PGR: variants seen among roughly 807,000 people sequenced by gnomAD.
PGR encodes the protein progesterone receptor, also known as nuclear receptor subfamily 3 group C member 3.
In PGR, 25 loss-of-function variants were observed where a neutral mutation model predicts 76.1. That is an observed-to-expected ratio of 0.33 (90% confidence interval 0.24 to 0.46). The LOEUF (loss-of-function observed/expected upper bound fraction) is 0.46. Ranked by LOEUF, PGR falls within the 20% of genes least tolerant of loss-of-function variation. The pLI is 1.00. For missense variants in PGR, 1,172 were observed against 1,225.3 expected (o/e 0.96, Z 0.65); for synonymous variants, 579 against 535.0 (o/e 1.08, Z -1.14).
intron 2 of PGR, among the ~76,000 whole-genome samples, chr11:101,094,141 A>G (rs1242286471): frequency 6.6e-6 from 1 of 152,160 alleles, no homozygotes; most frequent in African/African-American, 2.4e-5. Flanking sequence ...CCAGCACCAA[A>G]AAAAGGAACC....
intron 3 of PGR, among the ~76,000 whole-genome samples, chr11:101,081,372 T>G (rs1591397127): frequency 6.6e-6 from 1 of 151,346 alleles, no homozygotes; most frequent in African/African-American, 2.4e-5. Context: ...GAGGTTGCAG[T>G]GAGCCAAGAT....
At chr11:101,113,347 C>T (rs1252644249) in intron 2 of PGR, among the ~76,000 whole-genome samples, 2 of 151,892 alleles carry the variant, frequency 1.3e-5, no homozygotes, top group Non-Finnish European at 2.9e-5. Flanking sequence ...CTGTAAGCTC[C>T]ACCTCCTAGG....
In PGR at chr11:101,128,063, G is replaced by A. The variant is rs756338066; in HGVS notation, c.1008C>T (p.Ala336=). ...DESYDGGAGA[A]SAFAPPRSSP... ...AACTCCGCGGCGGGGCAAAGGCGCT[G>A]GCAGCCCCGGCCCCGCCGTCGTAAC... The change falls in exon 1 of 8, where the codon GCC becomes GCT. Residue 336 remains alanine, a synonymous_variant. Coordinates refer to ENST00000325455, the MANE Select transcript of PGR (RefSeq NM_000926.4). 2 of 1,601,732 alleles carry A rather than the reference G, an allele frequency of 1.2e-6. No homozygotes were observed. Among genetic ancestry groups the A allele is most frequent in the Non-Finnish European group, 1.7e-6 (2 of 1,179,426 alleles).
rs1241811061 is a variant in PGR at position 101,062,340 on chromosome 11, T to A, written c.2212+107A>T. The stretch of plus-strand genomic sequence containing the variant: ...CAAACACATACTATCACATACTGTT[T>A]TATATTGTAGTTAATTTACTGCATA... On this transcript the variant is annotated intron_variant, in intron 4 of 7. Coordinates refer to ENST00000325455, the MANE Select transcript of PGR (RefSeq NM_000926.4). 9 of 849,474 alleles carry A rather than the reference T, an allele frequency of 1.1e-5. No homozygotes were observed. In the East Asian group the frequency reaches 2.1e-4, roughly 20 times the overall value. 52.6% of individuals were successfully genotyped at this position (849,474 alleles called of 1,614,324 possible). A position where few individuals can be genotyped will look rare whatever the true frequency, so the allele number is the denominator to read the frequency against.
At chr11:101,098,288 G>A (rs1861897098) in intron 2 of PGR, among the ~76,000 whole-genome samples, 1 of 152,140 alleles carries the variant, frequency 6.6e-6, no homozygotes, top group African/African-American at 2.4e-5. Context: ...TATTGTTTGT[G>A]TTGCTTCTCA....
At chr11:101,058,730 A>T (rs1231669358) in intron 4 of PGR, among the ~76,000 whole-genome samples, 1 of 152,210 alleles carries the variant, frequency 6.6e-6, no homozygotes, top group Non-Finnish European at 1.5e-5. Flanking sequence ...TTTAAAGGTG[A>T]CACCGAATTG....
intron 4 of PGR, among the ~76,000 whole-genome samples, chr11:101,056,288 A>G (rs1398764608): frequency 6.6e-6 from 1 of 152,104 alleles, no homozygotes; most frequent in East Asian, 1.9e-4. Flanking sequence ...TTCTGACAAA[A>G]GCCCTGTTAC....
Position 101,037,489 on chromosome 11 carries a change from A to C in PGR, c.*1627T>G, listed in dbSNP as rs1859549266. On this transcript the variant is annotated 3_prime_UTR_variant, in exon 8 of 8. Coordinates refer to ENST00000325455, the MANE Select transcript of PGR (RefSeq NM_000926.4). Reference sequence around the variant, plus strand: ...TATGCTGAGGTTTACAGTACAAAACAATTTAAGGCTACATAAACATAAGAA... The same window carrying C: ...TATGCTGAGGTTTACAGTACAAAACCATTTAAGGCTACATAAACATAAGAA... 4.4e-6 allele frequency: 1 copy of C among 226,116 alleles called. No homozygotes were observed. The highest frequency in any genetic ancestry group is 1.8e-4 in the South Asian group (1 of 5,486). The allele number at this position is 226,116 out of a possible 1,614,324, so 14.0% of individuals were successfully genotyped here. A position where few individuals can be genotyped will look rare whatever the true frequency, so the allele number is the denominator to read the frequency against.
intron 6 of PGR, among the ~76,000 whole-genome samples, chr11:101,044,950 G>A (rs149106915): frequency 8.2e-4 from 125 of 151,890 alleles, no homozygotes; most frequent in Middle Eastern, 3.4e-3. Flanking sequence ...CAAGTGATTC[G>A]CCCACCTCAG....
At chr11:101,116,529 C>T (rs554961853) in intron 2 of PGR, among the ~76,000 whole-genome samples, 1 of 152,192 alleles carries the variant, frequency 6.6e-6, no homozygotes, top group South Asian at 2.1e-4. Context: ...CACCTGAGGT[C>T]AGGAGTTCGA....
chr11:101,086,376 G>A (rs897716400), intron 3 of PGR, among the ~76,000 whole-genome samples: 3 of 152,134 alleles, frequency 2.0e-5, no homozygotes, highest in Non-Finnish European at 2.9e-5. Context: ...AACAGCTTTC[G>A]ATAAAATGCA....
intron 2 of PGR, among the ~76,000 whole-genome samples, chr11:101,120,541 T>TA (rs1344681994): frequency 6.6e-6 from 1 of 152,178 alleles, no homozygotes; most frequent in South Asian, 2.1e-4. Flanking sequence ...AAGCAGTGGT[T>TA]AAAAAAACAA....
Position 101,126,168 on chromosome 11 carries a change from C to G in PGR, c.1638-10G>C. On this transcript the variant is annotated splice_polypyrimidine_tract_variant and intron_variant, in intron 1 of 7. Transcript: ENST00000325455. ...GGCTTCTGAATCCGGCCTTGAAATG[C>G]AAAACAAAGTACTCCATTTATTTTT... is the stretch of plus-strand genomic sequence containing the variant. 4 of 1,613,490 alleles carry G rather than the reference C, an allele frequency of 2.5e-6. No individual in the cohort carries two copies. The highest frequency in any genetic ancestry group is 3.4e-6 in the Non-Finnish European group (4 of 1,179,598).
Position 101,042,055 on chromosome 11 carries a change from A to G in PGR, c.2536T>C (p.Ser846Pro). 6.2e-7 allele frequency: 1 copy of G among 1,613,528 alleles called. No homozygotes were observed. Among genetic ancestry groups the G allele is most frequent in the Non-Finnish European group, 8.5e-7 (1 of 1,179,636 alleles). The change falls in exon 7 of 8, where the codon TCA becomes CCA. Residue 846 changes from serine to proline, a missense_variant. Coordinates refer to ENST00000325455, the MANE Select transcript of PGR (RefSeq NM_000926.4). ...TTGATGAGCTCTCTAATGTAGCTTG[A>G]CCTCATCTCCTCAAACTGGGTTTGA... is the stretch of plus-strand genomic sequence containing the variant. ...RSQTQFEEMRSSYIRELIKAI... is the reference protein window; with the variant it reads ...RSQTQFEEMRPSYIRELIKAI...
rs1278726153 is a variant in PGR at position 101,030,746 on chromosome 11, G to C, written c.*8370C>G. On this transcript the variant is annotated 3_prime_UTR_variant, in exon 8 of 8. Transcript: ENST00000325455. Reference sequence around the variant, plus strand: ...TAGGGCTTTCTCAAGCGAAAAACATGGTCTAAATCTCAAAGGTATCCTTAA... The same window carrying C: ...TAGGGCTTTCTCAAGCGAAAAACATCGTCTAAATCTCAAAGGTATCCTTAA... 9.7e-6 allele frequency: 2 copies of C among 205,238 alleles called. No homozygotes were observed. The highest frequency in any genetic ancestry group is 2.0e-5 in the Non-Finnish European group (2 of 100,250). 12.7% of individuals were successfully genotyped at this position (205,238 alleles called of 1,614,324 possible). A position where few individuals can be genotyped will look rare whatever the true frequency, so the allele number is the denominator to read the frequency against.
intron 4 of PGR, among the ~76,000 whole-genome samples, chr11:101,056,154 A>C (rs1860281705): frequency 6.6e-6 from 1 of 152,184 alleles, no homozygotes; most frequent in African/African-American, 2.4e-5. Flanking sequence ...AGGTAAACTT[A>C]GTACATTTGA....
intron 5 of PGR, 82 bp downstream of exon 5, chr11:101,051,342 T>A: frequency 1.1e-6 from 1 of 911,978 alleles, no homozygotes; most frequent in Non-Finnish European, 1.8e-6. Flanking sequence ...ACTAAATATG[T>A]GATCATCTAT....
rs1337041517 is a variant in PGR, at chr11:101,127,693, A to C, written c.1378T>G (p.Cys460Gly). ...GCGCCCTCCGCTTTGTACAGGATGC[A>C]CTCCAGGGTCGACCCCGAGGAGGAC... ...SASSSGSTLE[C>G]ILYKAEGAPP... The change falls in exon 1 of 8, where the codon TGC becomes GGC. Residue 460 changes from cysteine to glycine, a missense_variant. This residue lies in a region of PGR where 893 missense variants were observed against 785.9 expected (regional missense o/e 1.14). Transcript: ENST00000325455. The C allele has an allele frequency of 3.2e-6, 5 of 1,581,058 alleles. No individual in the cohort carries two copies. The highest frequency in any genetic ancestry group is 4.3e-6 in the Non-Finnish European group (5 of 1,172,812).
At chr11:101,078,198 G>A (rs1009685450) in intron 3 of PGR, among the ~76,000 whole-genome samples, 6 of 152,050 alleles carry the variant, frequency 3.9e-5, no homozygotes, top group African/African-American at 1.4e-4. Context: ...TGGAGGAGGA[G>A]GTAGGGGGAG....
Sources: allele counts gnomAD v4.1 joint callset (sites outside exome capture counted in the v4.1 genomes callset), GRCh38; gene constraint gnomAD v4.1.1; regional missense constraint gnomAD v4.1.1; transcripts MANE v1.5; gene names NCBI Gene and HGNC (gene_info 2026-07-23, HGNC 2026-07-21).